Variants in LRRC27 observed in about 807,000 individuals in gnomAD.
LRRC27 encodes the protein leucine rich repeat containing 27.
Under a neutral mutation model 55.0 loss-of-function variants are expected in LRRC27, and 57 were observed. The ratio of observed to expected loss-of-function variants is 1.04; its 90% CI spans 0.84 to 1.29. LRRC27 has a LOEUF of 1.29. LRRC27 is among the 50% of genes most tolerant of loss of function. The pLI is 0.00. For synonymous variants in LRRC27, 278 were observed against 251.9 expected (o/e 1.10, Z -0.98); for missense variants, 721 against 651.5 (o/e 1.11, Z -1.16).
rs1228853496 is a variant in LRRC27 at position 132,367,713 on chromosome 10, A to G, written c.1416+2163A>G. On this transcript the variant is annotated intron_variant, in intron 10 of 10. Transcript: ENST00000368614. ...CTAGGATAAGCTGAGAACTTCCTCAACTTGTTAAAGAACATCCAGAAAAGA... is the reference window on the plus strand; with the variant it reads ...CTAGGATAAGCTGAGAACTTCCTCAGCTTGTTAAAGAACATCCAGAAAAGA... Among the ~76,000 whole-genome samples, 4 of 152,208 alleles carry G rather than the reference A, an allele frequency of 2.6e-5. No homozygotes were observed. In the East Asian group the frequency reaches 5.8e-4, roughly 22 times the overall value.
Position 132,376,630 on chromosome 10 carries a change from G to T in LRRC27, c.*1388G>T, listed in dbSNP as rs1220099063. 6.6e-6 allele frequency: 1 copy of T among 152,350 alleles called. No homozygotes were observed. The highest frequency in any genetic ancestry group is 1.9e-4 in the East Asian group (1 of 5,206). 9.4% of individuals were successfully genotyped at this position (152,350 alleles called of 1,614,324 possible). Reference sequence around the variant, plus strand: ...CTTCCAAGGTGCTCACCTGGTTGTTGATCAGAGAGCGTGTCCGTTGTGATC... The same window carrying T: ...CTTCCAAGGTGCTCACCTGGTTGTTTATCAGAGAGCGTGTCCGTTGTGATC... On this transcript the variant is annotated 3_prime_UTR_variant, in exon 11 of 11. Transcript: ENST00000368614.
At chr10:132,340,466 C>T (rs559305427) in intron 3 of LRRC27, among the ~76,000 whole-genome samples, 65 of 152,146 alleles carry the variant, frequency 4.3e-4, no homozygotes, top group Non-Finnish European at 8.4e-4. Context: ...AAGCCGAGAG[C>T]GTGGTGCTGC....
At chr10:132,364,368 T>TACATCTACCTCCACACCCACACTC (rs2068819138) in intron 9 of LRRC27, among the ~76,000 whole-genome samples, 1 of 1,550 alleles carries the variant, frequency 6.5e-4, no homozygotes, top group African/African-American at 1.8e-3. Flanking sequence ...CACCCGCGCT[T>TACATCTACCTCCACACCCACACTC]ACACCCACCC....
chr10:132,337,124 G>A, intron 2 of LRRC27: 3 of 1,212,036 alleles, frequency 2.5e-6, no homozygotes, highest in Non-Finnish European at 3.1e-6. Flanking sequence ...TAATGATTGA[G>A]TTGGGCTGAG....
chr10:132,339,624 G>A (rs1451327758), intron 3 of LRRC27, among the ~76,000 whole-genome samples: 4 of 152,230 alleles, frequency 2.6e-5, no homozygotes, highest in African/African-American at 9.6e-5. Flanking sequence ...TGTCCTCACG[G>A]CCTCGGGAGG....
chr10:132,362,759 G>A (rs531113290), intron 9 of LRRC27, among the ~76,000 whole-genome samples: 5 of 119,836 alleles, frequency 4.2e-5, no homozygotes, highest in African/African-American at 1.7e-4. Context: ...ACACCAGCTC[G>A]GGGGGCCAGG....
chr10:132,336,425 A>G (rs560185103), intron 2 of LRRC27, among the ~76,000 whole-genome samples: 95 of 152,332 alleles, frequency 6.2e-4, no homozygotes, highest in African/African-American at 2.2e-3. Context: ...CCTAACAGAG[A>G]TAAGATAGTG....
rs539796356 is a variant in LRRC27 at position 132,372,281 on chromosome 10, G to C, written c.1417-2785G>C. 5.9e-5 allele frequency among the ~76,000 whole-genome samples: 9 copies of C among 151,660 alleles called. No individual in the cohort carries two copies. In the East Asian group the frequency reaches 1.7e-3, roughly 29 times the overall value. On this transcript the variant is annotated intron_variant, in intron 10 of 10. Coordinates refer to ENST00000368614, the MANE Select transcript of LRRC27 (RefSeq NM_030626.3). This position sits in a 1 kb window ranked among gnomAD's most constrained non-coding sequence, Gnocchi z 4.0. ...AACCAACCACAGAAGGATGGGAAGT[G>C]GGGGTCGGGGTGCGGTGACTCACGC... is the stretch of plus-strand genomic sequence containing the variant.
intron 9 of LRRC27, among the ~76,000 whole-genome samples, chr10:132,363,474 T>C (rs926711772): frequency 2.0e-5 from 3 of 152,114 alleles, no homozygotes; most frequent in Admixed American, 6.5e-5. Context: ...TGTCCAGGCA[T>C]TTCCCATGCC....
Position 132,365,427 on chromosome 10 carries a change from C to T in LRRC27, c.1293C>T (p.Ala431=), listed in dbSNP as rs755449999. The change falls in exon 10 of 11, where the codon GCC becomes GCT. Residue 431 remains alanine, a synonymous_variant. Coordinates refer to ENST00000368614, the MANE Select transcript of LRRC27 (RefSeq NM_030626.3). ...KSPQASKEMS[A]LQERNLEEKI... is the part of the protein sequence containing the mutation. ...CTCTTTGCCCTTTGTTTCTCAGTGC[C>T]CTGCAGGAGAGAAATTTAGAAGAGA... is the stretch of plus-strand genomic sequence containing the variant. 17 of 1,613,378 alleles carry T rather than the reference C, an allele frequency of 1.1e-5. No homozygotes were observed. Among genetic ancestry groups the T allele is most frequent in the African/African-American group, 1.3e-5 (1 of 74,872 alleles).
At position 132,376,560 on chromosome 10, in the gene LRRC27, G is replaced by C. The variant is rs1299809032; in HGVS notation, c.*1318G>C. ...CCCGTGAGGCTGGAGTCAGCCGTGG[G>C]TTGAGCTGCTCTCCTCTGAAGGTTT... On this transcript the variant is annotated 3_prime_UTR_variant, in exon 11 of 11. Coordinates refer to ENST00000368614, the MANE Select transcript of LRRC27 (RefSeq NM_030626.3). The C allele has an allele frequency of 1.3e-5, 2 of 152,508 alleles. No individual in the cohort carries two copies. The highest frequency in any genetic ancestry group is 3.8e-4 in the East Asian group (2 of 5,196). The allele number at this position is 152,508 out of a possible 1,614,324, so 9.4% of individuals were successfully genotyped here.
At chr10:132,339,671 TTTC>T (rs1235667197) in intron 3 of LRRC27, among the ~76,000 whole-genome samples, 2 of 152,204 alleles carry the variant, frequency 1.3e-5, no homozygotes, top group Non-Finnish European at 2.9e-5. Context: ...TTGGGAAGGA[TTTC>T]TTCTTCACAC....
chr10:132,361,041 C>G (rs1280515179), intron 8 of LRRC27, among the ~76,000 whole-genome samples: 2 of 152,222 alleles, frequency 1.3e-5, no homozygotes, highest in African/African-American at 2.4e-5. Context: ...TCCCAGGTCT[C>G]CCTGGTTCTG....
intron 1 of LRRC27, among the ~76,000 whole-genome samples, chr10:132,332,767 C>T (rs1049263766): frequency 6.6e-6 from 1 of 152,058 alleles, no homozygotes; most frequent in Non-Finnish European, 1.5e-5. Context: ...AGTTCCCTAA[C>T]TGATCTGCGC....
In LRRC27 at chr10:132,348,160, A is replaced by G; in HGVS notation, c.730A>G (p.Arg244Gly). Residue 244 changes from arginine (R) to glycine (G), a missense_variant, in exon 6 of 11, where the codon AGG becomes GGG. Physicochemically the swap from Arg to Gly is moderately radical, Grantham distance 125. Transcript: ENST00000368614. This position sits in a 1 kb window ranked among gnomAD's most constrained non-coding sequence, Gnocchi z 4.2. Reference protein sequence around the residue: ...PVEKPDLSELRKSADSSENWP... With the variant: ...PVEKPDLSELGKSADSSENWP... ...GGAAAAGCCAGACCTGAGTGAACTC[A>G]GGAAGTCTGCGGACTCCTCAGAGAA... 1.2e-6 allele frequency: 2 copies of G among 1,614,110 alleles called. No individual in the cohort carries two copies. The highest frequency in any genetic ancestry group is 8.5e-7 in the Non-Finnish European group (1 of 1,180,026).
chr10:132,364,435 AT>A (rs2068852463), intron 9 of LRRC27, among the ~76,000 whole-genome samples: 4 of 137,904 alleles, frequency 2.9e-5, no homozygotes, highest in African/African-American at 1.1e-4. Context: ...CCACGCTTAC[AT>A]CTACCTCCAC....
chr10:132,340,845 C>G lies in LRRC27; in HGVS notation c.342-1368C>G, dbSNP rs143940752. On this transcript the variant is annotated intron_variant, in intron 3 of 10. Coordinates refer to ENST00000368614, the MANE Select transcript of LRRC27 (RefSeq NM_030626.3). ...AAAATTAGCCAAGATCACACCACTG[C>G]ACTCCAGCCTGAGCCACAGAGTGAG... Among the ~76,000 whole-genome samples, 1,306 of 145,256 alleles carry G rather than the reference C, an allele frequency of 9.0e-3. 9 individuals carry two copies. The highest frequency in any genetic ancestry group is 0.023 in the Middle Eastern group (6 of 262).
intron 6 of LRRC27, among the ~76,000 whole-genome samples, chr10:132,349,316 C>T (rs1052590472): frequency 6.6e-6 from 1 of 152,174 alleles, no homozygotes; most frequent in Admixed American, 6.5e-5. Context: ...CCAGACCTTC[C>T]CGGAGGTGTT....
intron 3 of LRRC27, among the ~76,000 whole-genome samples, chr10:132,339,316 A>G (rs1041912039): frequency 6.6e-6 from 1 of 152,250 alleles, no homozygotes; most frequent in Non-Finnish European, 1.5e-5. Flanking sequence ...AAAATGTTTT[A>G]TAAGAAGTCA....
Sources: allele counts gnomAD v4.1 joint callset (sites outside exome capture counted in the v4.1 genomes callset), GRCh38; gene constraint gnomAD v4.1.1; non-coding constraint Gnocchi (gnomAD v3.1); transcripts MANE v1.5; gene names NCBI Gene and HGNC (gene_info 2026-07-23, HGNC 2026-07-21).